The following MTSS1 variants were observed in gnomAD, a reference collection of about 807,000 sequenced individuals.
The protein encoded by MTSS1 is MTSS I-BAR domain containing 1.
MTSS1 carries 18 observed loss-of-function variants against 79.0 expected under a neutral mutation model. That is an observed-to-expected ratio of 0.23 (90% CI 0.16 to 0.34). The LOEUF (loss-of-function observed/expected upper bound fraction) is 0.34. Ranked by LOEUF, MTSS1 falls within the 10% of genes least tolerant of loss-of-function variation. The pLI is 1.00. For missense variants in MTSS1, 815 were observed against 986.2 expected (o/e 0.83, Z 2.33); for synonymous variants, 341 against 368.6 (o/e 0.93, Z 0.86).
At chr8:124,636,179 G>A (rs980820474) in intron 3 of MTSS1, among the ~76,000 whole-genome samples, 30 of 152,134 alleles carry the variant, frequency 2.0e-4, no homozygotes, top group African/African-American at 7.2e-4. Context: ...GCCCAGGCTG[G>A]AGTGCAGTGG....
At chr8:124,571,103 A>T (rs1326608603) in intron 6 of MTSS1, among the ~76,000 whole-genome samples, 1 of 152,174 alleles carries the variant, frequency 6.6e-6, no homozygotes, top group Non-Finnish European at 1.5e-5. Flanking sequence ...ATCACCATAC[A>T]TTAATCTGGC....
chr8:124,567,983 A>G, intron 7 of MTSS1: 2 of 1,334,688 alleles, frequency 1.5e-6, no homozygotes, highest in Middle Eastern at 2.6e-4. Context: ...AGTGAGTCTC[A>G]AAACCACCTG....
chr8:124,563,044 G>A, intron 9 of MTSS1, 52 bp from the exon 10 acceptor site: 1 of 1,490,470 alleles, frequency 6.7e-7, no homozygotes, highest in Non-Finnish European at 9.1e-7. Context: ...AAAGAAAGGG[G>A]AGCAGTGGTA....
At chr8:124,681,563 G>T (rs561299036) in intron 3 of MTSS1, among the ~76,000 whole-genome samples, 13 of 152,318 alleles carry the variant, frequency 8.5e-5, no homozygotes, top group Admixed American at 4.6e-4. Flanking sequence ...CAAGGCGGGT[G>T]CATAACTTGA....
chr8:124,641,092 G>A (rs980986133), intron 3 of MTSS1, among the ~76,000 whole-genome samples: 12 of 150,868 alleles, frequency 8.0e-5, no homozygotes, highest in African/African-American at 2.4e-4. Context: ...GGGAAAACCC[G>A]CAACTGATCA....
intron 3 of MTSS1, among the ~76,000 whole-genome samples, chr8:124,664,095 C>A (rs1822603191): frequency 1.3e-5 from 2 of 152,302 alleles, no homozygotes; most frequent in South Asian, 4.1e-4. Context: ...GGTGGGGAAC[C>A]CCAGGAGGGA....
chr8:124,715,331 TTC>T (rs1176605332), intron 1 of MTSS1, among the ~76,000 whole-genome samples: 1 of 152,220 alleles, frequency 6.6e-6, no homozygotes, highest in African/African-American at 2.4e-5. Flanking sequence ...TTATGTTCTT[TTC>T]TTTTTCTCTT....
chr8:124,569,920 G>A (rs900924435), intron 6 of MTSS1, among the ~76,000 whole-genome samples: 2 of 152,112 alleles, frequency 1.3e-5, no homozygotes, highest in Non-Finnish European at 2.9e-5. Context: ...CTGCCCCACC[G>A]CCTCGCAGGA....
intron 1 of MTSS1, among the ~76,000 whole-genome samples, chr8:124,712,205 G>A (rs1587940749): frequency 2.0e-5 from 3 of 152,144 alleles, no homozygotes; most frequent in Non-Finnish European, 4.4e-5. Context: ...CAATCTGGGA[G>A]GGGCTTTTAA....
intron 1 of MTSS1, among the ~76,000 whole-genome samples, chr8:124,723,224 C>T (rs540009263): frequency 3.3e-5 from 5 of 152,300 alleles, no homozygotes; most frequent in East Asian, 1.9e-4. Flanking sequence ...GGAAACCCTA[C>T]GTTTTTACTT....
At chr8:124,619,878 G>T (rs777426149) in intron 3 of MTSS1, among the ~76,000 whole-genome samples, 1 of 151,956 alleles carries the variant, frequency 6.6e-6, no homozygotes, top group African/African-American at 2.4e-5. Context: ...GGCCATCAGC[G>T]GCAGGCCTGG....
intron 3 of MTSS1, among the ~76,000 whole-genome samples, chr8:124,614,733 A>G (rs553509635): frequency 6.6e-6 from 1 of 152,360 alleles, no homozygotes; most frequent in East Asian, 1.9e-4. Flanking sequence ...GAAGTACCCA[A>G]TTTCAACCTG....
At chr8:124,669,331 T>C (rs1177454185) in intron 3 of MTSS1, among the ~76,000 whole-genome samples, 1 of 152,248 alleles carries the variant, frequency 6.6e-6, no homozygotes, top group Non-Finnish European at 1.5e-5. Flanking sequence ...TGACAAATGA[T>C]GCTAACTCAG....
intron 13 of MTSS1, among the ~76,000 whole-genome samples, 173 bp downstream of exon 13, chr8:124,555,569 G>A (rs373263927): frequency 4.6e-5 from 7 of 152,294 alleles, no homozygotes; most frequent in African/African-American, 1.7e-4. Context: ...TTATATGGCA[G>A]CTACCTGACA....
intron 3 of MTSS1, among the ~76,000 whole-genome samples, chr8:124,625,668 C>T (rs1329487128): frequency 6.6e-6 from 1 of 152,242 alleles, no homozygotes; most frequent in East Asian, 1.9e-4. Flanking sequence ...TGACCCCACA[C>T]ACAAAAACTG....
intron 3 of MTSS1, among the ~76,000 whole-genome samples, chr8:124,601,682 C>T (rs1411913717): frequency 6.6e-6 from 1 of 152,176 alleles, no homozygotes; most frequent in Non-Finnish European, 1.5e-5. Flanking sequence ...GAAGTTGCCT[C>T]AGCGTGCATC....
chr8:124,572,267 T>C (rs921558136), intron 6 of MTSS1, among the ~76,000 whole-genome samples: 2 of 152,190 alleles, frequency 1.3e-5, no homozygotes, highest in Non-Finnish European at 2.9e-5. Context: ...TCTGTAAAGA[T>C]TGCTATAATT....
intron 3 of MTSS1, among the ~76,000 whole-genome samples, chr8:124,596,081 T>C (rs1308983671): frequency 1.3e-5 from 2 of 152,202 alleles, no homozygotes; most frequent in African/African-American, 4.8e-5. Context: ...GACACTGCTG[T>C]GGACAGAAGA....
At chr8:124,592,413 A>AT (rs539323507) in intron 3 of MTSS1, among the ~76,000 whole-genome samples, 358 of 152,284 alleles carry the variant, frequency 2.4e-3, no homozygotes, top group African/African-American at 8.0e-3. Context: ...ATAAAGCACT[A>AT]TTTTTAACAG....
Sources: allele counts gnomAD v4.1 joint callset (sites outside exome capture counted in the v4.1 genomes callset), GRCh38; gene constraint gnomAD v4.1.1; transcripts MANE v1.5; gene names NCBI Gene and HGNC (gene_info 2026-07-23, HGNC 2026-07-21).